TGFBRAP1: variants seen among roughly 807,000 people sequenced by gnomAD.
TGFBRAP1 encodes transforming growth factor beta receptor associated protein 1.
In TGFBRAP1, 20 loss-of-function variants were observed where a neutral mutation model predicts 83.2. That is an observed-to-expected ratio of 0.24 (90% CI 0.17 to 0.35). The LOEUF (loss-of-function observed/expected upper bound fraction) is 0.35, where lower values mean the gene tolerates loss of function less well. TGFBRAP1 is among the 10% of genes least tolerant of loss of function. TGFBRAP1 has a pLI of 1.00. For missense variants in TGFBRAP1, 950 were observed against 1,099.4 expected, an observed-to-expected ratio of 0.86 and a Z score of 1.92; for synonymous variants, 415 against 459.8, an observed-to-expected ratio of 0.90 and a Z score of 1.25.
At chr2:105,271,073 T>C (rs780163256) in intron 10 of TGFBRAP1, among the ~76,000 whole-genome samples, 6 of 152,230 alleles carry the variant, frequency 3.9e-5, no homozygotes, top group Non-Finnish European at 7.3e-5. Context: ...AGCCCAGGCT[T>C]ATACCTAATG....
chr2:105,261,323 G>C (rs542839800), downstream of TGFBRAP1, among the ~76,000 whole-genome samples: 2 of 152,164 alleles, frequency 1.3e-5, no homozygotes, highest in South Asian at 4.1e-4. Context: ...TTGAGGTCAG[G>C]TTGGGGATTG....
At position 105,269,153 on chromosome 2, in the gene TGFBRAP1, G is replaced by C; in HGVS notation, c.2406+119C>G. The C allele has an allele frequency of 1.6e-6, 2 of 1,251,750 alleles. No homozygotes were observed. The highest frequency in any genetic ancestry group is 1.1e-6 in the Non-Finnish European group (1 of 929,190). The allele number at this position is 1,251,750 out of a possible 1,614,324, so 77.5% of individuals were successfully genotyped here. A position where few individuals can be genotyped will look rare whatever the true frequency, so the allele number is the denominator to read the frequency against. ...TATGAGTAGGATCAGATATTGATGT[G>C]TTGTAGTCATAGAGACAGAAAAAAG... On this transcript the variant is annotated intron_variant, in intron 11 of 11. Coordinates refer to ENST00000393359, the MANE Select transcript of TGFBRAP1 (RefSeq NM_004257.6). This position sits in a 1 kb window ranked among gnomAD's most constrained non-coding sequence, Gnocchi z 4.1.
rs113838342 is a variant in TGFBRAP1, at chr2:105,271,146, C to T, written c.1973-1441G>A. Reference sequence around the variant, plus strand: ...GACCCCTCCACCCCAAGGCACAGCTCGTGGGTTCCTCGGCCCTTCTAGAAC... The same window carrying T: ...GACCCCTCCACCCCAAGGCACAGCTTGTGGGTTCCTCGGCCCTTCTAGAAC... On this transcript the variant is annotated intron_variant, in intron 10 of 11. Coordinates refer to ENST00000393359, the MANE Select transcript of TGFBRAP1 (RefSeq NM_004257.6). 7.5e-3 allele frequency among the ~76,000 whole-genome samples: 1,137 copies of T among 152,304 alleles called. 8 individuals are homozygous for T. The highest frequency in any genetic ancestry group is 0.013 in the Non-Finnish European group (851 of 68,030).
At chr2:105,274,461 TC>T (rs1348539901) in intron 8 of TGFBRAP1, among the ~76,000 whole-genome samples, 1 of 152,254 alleles carries the variant, frequency 6.6e-6, no homozygotes, top group African/African-American at 2.4e-5. Flanking sequence ...GTGTCCCAGC[TC>T]TACCAACTAT....
Position 105,317,204 on chromosome 2 carries a change from C to T in TGFBRAP1, c.-17-8886G>A, listed in dbSNP as rs181411953. Among the ~76,000 whole-genome samples the T allele has an allele frequency of 3.2e-4, 48 of 152,056 alleles. 1 individual carries two copies. In the East Asian group the frequency reaches 8.7e-3, roughly 28 times the overall value. ...CTGTAATCCCAGCACTCTGGGAGGCCGAGGTGGGAGGATCACGAGGTCAAA... is the reference window on the plus strand; with the variant it reads ...CTGTAATCCCAGCACTCTGGGAGGCTGAGGTGGGAGGATCACGAGGTCAAA... On this transcript the variant is annotated intron_variant, in intron 1 of 11. Transcript: ENST00000393359.
chr2:105,301,302 T>C (rs532241187), intron 2 of TGFBRAP1, among the ~76,000 whole-genome samples: 6 of 152,000 alleles, frequency 3.9e-5, no homozygotes, highest in Admixed American at 1.3e-4. Flanking sequence ...GAAATGAAAC[T>C]GGTCAGGTGC....
At chr2:105,281,266 T>A (rs1445724492) in intron 5 of TGFBRAP1, among the ~76,000 whole-genome samples, 1 of 152,182 alleles carries the variant, frequency 6.6e-6, no homozygotes, top group Non-Finnish European at 1.5e-5. Context: ...CTCGTAGAAT[T>A]TCAGAGCCTA....
intron 4 of TGFBRAP1, among the ~76,000 whole-genome samples, chr2:105,289,955 G>A (rs1196566510): frequency 6.6e-6 from 1 of 152,212 alleles, no homozygotes; most frequent in Non-Finnish European, 1.5e-5. Context: ...CAAACTCTCT[G>A]ATCTCTGATA....
chr2:105,262,994 G>T (rs1213923585), downstream of TGFBRAP1, among the ~76,000 whole-genome samples: 1 of 152,174 alleles, frequency 6.6e-6, no homozygotes, highest in African/African-American at 2.4e-5. Flanking sequence ...AGCAAATGGG[G>T]TGTTAGTTAA....
chr2:105,268,997 C>T (rs1009728219), intron 11 of TGFBRAP1, among the ~76,000 whole-genome samples: 27 of 152,184 alleles, frequency 1.8e-4, no homozygotes, highest in African/African-American at 6.5e-4. Flanking sequence ...TGGGTAAGCG[C>T]CTGATATTCT....
Position 105,267,253 on chromosome 2 carries a change from G to A in TGFBRAP1, c.*130C>T, listed in dbSNP as rs1048212960. 30 of 1,263,274 alleles carry A rather than the reference G, an allele frequency of 2.4e-5. No individual in the cohort carries two copies. The East Asian group carries it at 3.0e-4, about 13-fold the overall frequency. 78.3% of individuals were successfully genotyped at this position (1,263,274 alleles called of 1,614,324 possible). On this transcript the variant is annotated 3_prime_UTR_variant, in exon 12 of 12. Coordinates refer to ENST00000393359, the MANE Select transcript of TGFBRAP1 (RefSeq NM_004257.6). Reference sequence around the variant, plus strand: ...CGAGGAGTCCTTGTTGCGTATGGACGGAAGGCTCCCTGGCACCCAGATGTC... The same window carrying A: ...CGAGGAGTCCTTGTTGCGTATGGACAGAAGGCTCCCTGGCACCCAGATGTC...
At chr2:105,275,728 A>G in intron 7 of TGFBRAP1, 25 bp from the exon 8 acceptor site, 3 of 1,587,672 alleles carry the variant, frequency 1.9e-6, no homozygotes, top group Non-Finnish European at 2.6e-6. Flanking sequence ...AAAAGAAAAA[A>G]AGAAAAAGAA....
the TGFBRAP1 span, among the ~76,000 whole-genome samples, chr2:105,252,751 C>CT: frequency 0.33 from 37,527 of 113,188 alleles, 7,987 homozygotes; most frequent in African/African-American, 0.47. Flanking sequence ...ATATTAACAT[C>CT]TTTTTTTTTT....
intron 1 of TGFBRAP1, among the ~76,000 whole-genome samples, chr2:105,316,542 C>T (rs1029308143): frequency 6.6e-6 from 1 of 151,360 alleles, no homozygotes; most frequent in Admixed American, 6.6e-5. Context: ...AGCAGTGGCT[C>T]ATGCCTGTAA....
At chr2:105,298,418 T>C (rs1445405349) in intron 3 of TGFBRAP1, 93 bp downstream of exon 3, 3 of 1,365,226 alleles carry the variant, frequency 2.2e-6, no homozygotes, top group East Asian at 2.3e-5. Flanking sequence ...CTTTTATGCT[T>C]AGCGCAAGGC....
At chr2:105,314,818 C>T (rs1678801646) in intron 1 of TGFBRAP1, among the ~76,000 whole-genome samples, 1 of 151,572 alleles carries the variant, frequency 6.6e-6, no homozygotes, top group Non-Finnish European at 1.5e-5. Context: ...GGCGTGGTGG[C>T]AGGCACCTGT....
chr2:105,324,157 A>G (rs1679153406), intron 1 of TGFBRAP1: 1 of 152,234 alleles, frequency 6.6e-6, no homozygotes, highest in African/African-American at 2.4e-5. Context: ...TACTGTGTGC[A>G]CTTTATAGTG....
the TGFBRAP1 span, among the ~76,000 whole-genome samples, chr2:105,256,591 A>G: frequency 6.6e-6 from 1 of 152,220 alleles, no homozygotes. Context: ...TTATATGAGT[A>G]CACAGTCAAA....
intron 2 of TGFBRAP1, among the ~76,000 whole-genome samples, chr2:105,301,342 T>C (rs1236591608): frequency 1.3e-5 from 2 of 152,140 alleles, no homozygotes; most frequent in East Asian, 1.9e-4. Context: ...CCCAGCACTT[T>C]GGGAGGCTGA....
Sources: allele counts gnomAD v4.1 joint callset (sites outside exome capture counted in the v4.1 genomes callset), GRCh38; gene constraint gnomAD v4.1.1; non-coding constraint Gnocchi (gnomAD v3.1); transcripts MANE v1.5; gene names NCBI Gene and HGNC (gene_info 2026-07-23, HGNC 2026-07-21).